Variants in ITGA2 observed in about 807,000 individuals in gnomAD.
The protein encoded by ITGA2 is integrin alpha-2.
In ITGA2, 101 loss-of-function variants were observed where a neutral mutation model predicts 146.3. That is an observed-to-expected ratio of 0.69 (90% CI 0.59 to 0.81). The LOEUF (loss-of-function observed/expected upper bound fraction) is 0.81, where lower values mean the gene tolerates loss of function less well. Ranked by LOEUF, ITGA2 falls within the 40% of genes least tolerant of loss-of-function variation. The pLI, the probability that ITGA2 is intolerant of heterozygous loss-of-function variation, is 0.00. For missense variants in ITGA2, 1,281 were observed against 1,402.7 expected (o/e 0.91, Z 1.39); for synonymous variants, 477 against 487.1 (o/e 0.98, Z 0.27).
chr5:53,081,955 A>G (rs560556290), intron 26 of ITGA2, among the ~76,000 whole-genome samples: 138 of 152,364 alleles, frequency 9.1e-4, no homozygotes, highest in African/African-American at 3.1e-3. Context: ...CTTACAAAAT[A>G]TAAGTTCCAG....
At chr5:53,081,403 T>G (rs560247093) in intron 25 of ITGA2, among the ~76,000 whole-genome samples, 189 bp from the exon 26 acceptor site, 1 of 152,282 alleles carries the variant, frequency 6.6e-6, no homozygotes, top group African/African-American at 2.4e-5. Context: ...TCAGTTCACA[T>G]CAGGAGCATT....
intron 1 of ITGA2, among the ~76,000 whole-genome samples, chr5:53,000,891 C>G (rs375320710): frequency 1.9e-5 from 2 of 105,124 alleles, no homozygotes; most frequent in African/African-American, 3.5e-5. Context: ...TTTTCTTTTT[C>G]TTTTTGTTTT....
At chr5:53,055,119 A>AT (rs980291132) in intron 7 of ITGA2, among the ~76,000 whole-genome samples, 14 of 151,396 alleles carry the variant, frequency 9.2e-5, no homozygotes, top group East Asian at 5.8e-4. Flanking sequence ...AAATACTTTG[A>AT]TTTTTTTTTA....
intron 24 of ITGA2, 148 bp from the exon 25 acceptor site, chr5:53,080,363 A>C: frequency 1.4e-6 from 1 of 718,228 alleles, no homozygotes; most frequent in Non-Finnish European, 2.5e-6. Context: ...CAGAGACCTG[A>C]AGTGTGACTA....
Position 53,060,886 on chromosome 5 carries a change from C to T in ITGA2, c.1313-15C>T. ...ATAGTCAATGTTAATCACTCTGTTGCTCCTTCCCTTTTAGGTTACTCTGTG... is the reference window on the plus strand; with the variant it reads ...ATAGTCAATGTTAATCACTCTGTTGTTCCTTCCCTTTTAGGTTACTCTGTG... On this transcript the variant is annotated splice_polypyrimidine_tract_variant and intron_variant, in intron 11 of 29. Coordinates refer to ENST00000296585, the MANE Select transcript of ITGA2 (RefSeq NM_002203.4). The T allele has an allele frequency of 6.2e-7, 1 of 1,611,244 alleles. No homozygotes were observed. The highest frequency in any genetic ancestry group is 8.5e-7 in the Non-Finnish European group (1 of 1,177,904).
intron 1 of ITGA2, among the ~76,000 whole-genome samples, chr5:53,023,624 T>C (rs190726367): frequency 1.4e-3 from 217 of 152,306 alleles, no homozygotes; most frequent in Admixed American, 4.1e-3. Flanking sequence ...TATAAACATA[T>C]GTTGAATGAT....
chr5:53,000,896 TG>T lies in ITGA2; in HGVS notation c.64+11365del, dbSNP rs370633969. ...ATTTTCTTTTTTTTCTTTTTCTTTT[TG>T]TTTTTTTTTTTTTTTTTTTTTCTTG... On this transcript the variant is annotated intron_variant, in intron 1 of 29. Coordinates refer to ENST00000296585, the MANE Select transcript of ITGA2 (RefSeq NM_002203.4). 2.0e-3 allele frequency among the ~76,000 whole-genome samples: 275 copies of T among 140,584 alleles called. 1 individual carries two copies. In the East Asian group the frequency reaches 0.027, roughly 14 times the overall value. 92.2% of individuals were successfully genotyped at this position (140,584 alleles called of 152,430 possible). A position where few individuals can be genotyped will look rare whatever the true frequency, so the allele number is the denominator to read the frequency against.
intron 12 of ITGA2, 39 bp downstream of exon 12, chr5:53,061,085 G>A: frequency 6.2e-7 from 1 of 1,606,136 alleles, no homozygotes. Context: ...TAATTTTAGG[G>A]GCAACTGGGC....
intron 1 of ITGA2, among the ~76,000 whole-genome samples, chr5:53,026,503 G>A (rs538846974): frequency 9.9e-5 from 15 of 152,230 alleles, no homozygotes; most frequent in African/African-American, 3.6e-4. Flanking sequence ...GATAATATTA[G>A]TAACTATCTT....
intron 25 of ITGA2, among the ~76,000 whole-genome samples, chr5:53,081,240 A>G (rs1158733591): frequency 6.6e-6 from 1 of 152,190 alleles, no homozygotes; most frequent in Admixed American, 6.5e-5. Context: ...GTATTATTCA[A>G]CAGTTGTATT....
Position 53,000,891 on chromosome 5 carries a change from CTTTTTGTT to C in ITGA2, c.64+11365_64+11372del, listed in dbSNP as rs1270236753. On this transcript the variant is annotated intron_variant, in intron 1 of 29. Coordinates refer to ENST00000296585, the MANE Select transcript of ITGA2 (RefSeq NM_002203.4). ...AAAGCATTTTCTTTTTTTTCTTTTTCTTTTTGTTTTTTTTTTTTTTTTTTTTTCTTGAT... is the reference window on the plus strand; with the variant it reads ...AAAGCATTTTCTTTTTTTTCTTTTTCTTTTTTTTTTTTTTTTTTTCTTGAT... Among the ~76,000 whole-genome samples, 71 of 105,120 alleles carry C rather than the reference CTTTTTGTT, an allele frequency of 6.8e-4. No individual in the cohort carries two copies. The East Asian group carries it at 0.013, about 19-fold the overall frequency. 69.0% of individuals were successfully genotyped at this position (105,120 alleles called of 152,430 possible). A position where few individuals can be genotyped will look rare whatever the true frequency, so the allele number is the denominator to read the frequency against.
At chr5:53,062,992 T>C in intron 13 of ITGA2, 63 bp downstream of exon 13, 1 of 1,350,442 alleles carries the variant, frequency 7.4e-7, no homozygotes, top group Non-Finnish European at 1.0e-6. Context: ...TAACTTGCAT[T>C]TGGAAAGAAA....
At chr5:53,038,634 C>T (rs1387972159) in intron 2 of ITGA2, among the ~76,000 whole-genome samples, 8 of 152,174 alleles carry the variant, frequency 5.3e-5, no homozygotes. Context: ...TCTGGGCCCT[C>T]TGCCAGGACT....
chr5:53,054,750 A>G (rs1744550749), intron 7 of ITGA2, among the ~76,000 whole-genome samples: 1 of 152,136 alleles, frequency 6.6e-6, no homozygotes, highest in African/African-American at 2.4e-5. Flanking sequence ...GCAAAGGCAT[A>G]AGAATGATAC....
intron 10 of ITGA2, among the ~76,000 whole-genome samples, chr5:53,059,230 G>A (rs1744791482): frequency 6.6e-6 from 1 of 151,910 alleles, no homozygotes; most frequent in Admixed American, 6.6e-5. Context: ...CTCCCCACAG[G>A]GCTGACAAAT....
intron 2 of ITGA2, among the ~76,000 whole-genome samples, chr5:53,030,761 T>A (rs1743186073): frequency 6.6e-6 from 1 of 152,268 alleles, no homozygotes; most frequent in Non-Finnish European, 1.5e-5. Context: ...TAGGCAACTT[T>A]GAATAATATA....
chr5:53,050,236 C>T (rs1419888727), intron 6 of ITGA2, among the ~76,000 whole-genome samples: 1 of 152,116 alleles, frequency 6.6e-6, no homozygotes, highest in Non-Finnish European at 1.5e-5. Context: ...GCATCTGATT[C>T]CTCTCTAGAA....
intron 19 of ITGA2, 67 bp downstream of exon 19, chr5:53,072,762 A>G: frequency 7.7e-7 from 1 of 1,291,666 alleles, no homozygotes; most frequent in Non-Finnish European, 1.1e-6. Flanking sequence ...ACTTTATTCA[A>G]ACGAATGTTT....
intron 1 of ITGA2, among the ~76,000 whole-genome samples, chr5:53,024,204 ATTG>A (rs1414117625): frequency 4.6e-5 from 7 of 152,184 alleles, no homozygotes; most frequent in Non-Finnish European, 1.0e-4. Flanking sequence ...GTTCCACAGG[ATTG>A]TTGTGGCACT....
Sources: allele counts gnomAD v4.1 joint callset (sites outside exome capture counted in the v4.1 genomes callset), GRCh38; gene constraint gnomAD v4.1.1; transcripts MANE v1.5; gene names NCBI Gene and HGNC (gene_info 2026-07-23, HGNC 2026-07-21).